The following ZFPM2 variants were observed in gnomAD, a reference collection of about 807,000 sequenced individuals.
ZFPM2 encodes zinc finger protein, FOG family member 2.
A neutral mutation model predicts 98.6 loss-of-function variants in ZFPM2; 20 were observed. That is an observed-to-expected ratio of 0.20 (90% CI 0.14 to 0.29). ZFPM2 has a LOEUF of 0.29. ZFPM2 is among the 10% of genes least tolerant of loss of function. The probability of loss-of-function intolerance (pLI) is 1.00; values close to 1 mark genes in which losing one functional copy is unlikely to be tolerated. For missense variants in ZFPM2, 1,310 were observed against 1,388.6 expected, an observed-to-expected ratio of 0.94 and a Z score of 0.90; for synonymous variants, 518 against 502.7, an observed-to-expected ratio of 1.03 and a Z score of -0.41.
intron 1 of ZFPM2, among the ~76,000 whole-genome samples, chr8:105,389,795 T>G (rs150241678): frequency 9.9e-5 from 15 of 152,256 alleles, no homozygotes; most frequent in African/African-American, 3.4e-4. Context: ...CTGAGAAGAA[T>G]AATCTAAAAG....
At chr8:105,426,711 G>T (rs1486318165) in intron 2 of ZFPM2, among the ~76,000 whole-genome samples, 1 of 152,070 alleles carries the variant, frequency 6.6e-6, no homozygotes, top group Non-Finnish European at 1.5e-5. Flanking sequence ...ACTTTGGGAG[G>T]CTGAGGCTAG....
At chr8:105,683,053 G>A (rs1045537720) in intron 5 of ZFPM2, among the ~76,000 whole-genome samples, 1 of 152,070 alleles carries the variant, frequency 6.6e-6, no homozygotes, top group African/African-American at 2.4e-5. Flanking sequence ...ATGGTGGAAA[G>A]GCAATTGAGT....
intron 5 of ZFPM2, among the ~76,000 whole-genome samples, chr8:105,698,717 TAGAC>T (rs1329201529): frequency 6.6e-6 from 1 of 152,174 alleles, no homozygotes; most frequent in Non-Finnish European, 1.5e-5. Flanking sequence ...AAATATACAT[TAGAC>T]AGTTCCCTGA....
chr8:105,640,159 TGAA>T (rs1194799263), intron 5 of ZFPM2, among the ~76,000 whole-genome samples: 1 of 152,060 alleles, frequency 6.6e-6, no homozygotes, highest in African/African-American at 2.4e-5. Context: ...TAAGTTAAAA[TGAA>T]GAAGTTGGGA....
chr8:105,664,484 G>A (rs1176446217), intron 5 of ZFPM2, among the ~76,000 whole-genome samples: 8 of 151,954 alleles, frequency 5.3e-5, no homozygotes, highest in East Asian at 1.9e-4. Context: ...ACAGGCATGC[G>A]CCACCATTCC....
intron 5 of ZFPM2, among the ~76,000 whole-genome samples, chr8:105,746,885 T>A (rs1273338738): frequency 6.6e-6 from 1 of 152,036 alleles, no homozygotes; most frequent in East Asian, 1.9e-4. Flanking sequence ...ATTCCTGGAA[T>A]AGAACCAAAA....
At chr8:105,744,903 A>G (rs1812307738) in intron 5 of ZFPM2, among the ~76,000 whole-genome samples, 1 of 152,144 alleles carries the variant, frequency 6.6e-6, no homozygotes, top group Non-Finnish European at 1.5e-5. Context: ...AACTTCATGT[A>G]GGAATTGTTT....
At chr8:105,478,527 T>A (rs549079473) in intron 3 of ZFPM2, among the ~76,000 whole-genome samples, 1 of 152,310 alleles carries the variant, frequency 6.6e-6, no homozygotes, top group East Asian at 1.9e-4. Context: ...TCCTGATTCC[T>A]TCTGGAAATT....
chr8:105,531,845 G>A (rs554041770), intron 3 of ZFPM2, among the ~76,000 whole-genome samples: 50 of 152,234 alleles, frequency 3.3e-4, no homozygotes, highest in South Asian at 1.0e-3. Context: ...GAACTTTTCT[G>A]CTACTGTAAT....
intron 4 of ZFPM2, among the ~76,000 whole-genome samples, chr8:105,574,188 C>T (rs1029478600): frequency 1.3e-5 from 2 of 152,180 alleles, no homozygotes; most frequent in Non-Finnish European, 2.9e-5. Flanking sequence ...TGTACTCACA[C>T]GTATCCATAC....
intron 5 of ZFPM2, among the ~76,000 whole-genome samples, chr8:105,637,872 G>A (rs1307207265): frequency 6.6e-6 from 1 of 152,052 alleles, no homozygotes; most frequent in South Asian, 2.1e-4. Context: ...TGGCATTTTC[G>A]TAATGCCTAT....
intron 5 of ZFPM2, among the ~76,000 whole-genome samples, chr8:105,746,583 C>T (rs1812350976): frequency 6.6e-6 from 1 of 150,928 alleles, no homozygotes; most frequent in East Asian, 1.9e-4. Flanking sequence ...ATTTTCTTAG[C>T]AGATATGTGC....
At chr8:105,562,559 C>T (rs1030415842) in intron 4 of ZFPM2, among the ~76,000 whole-genome samples, 16 of 152,034 alleles carry the variant, frequency 1.1e-4, no homozygotes, top group African/African-American at 2.9e-4. Flanking sequence ...AACTCCTTTT[C>T]GGATGCTTTA....
At chr8:105,498,989 G>T (rs1056773963) in intron 3 of ZFPM2, among the ~76,000 whole-genome samples, 2 of 152,142 alleles carry the variant, frequency 1.3e-5, no homozygotes, top group Non-Finnish European at 2.9e-5. Flanking sequence ...TGGAAGTGTG[G>T]AATATAAAGT....
At chr8:105,768,748 A>G (rs1454940001) in intron 5 of ZFPM2, among the ~76,000 whole-genome samples, 1 of 151,922 alleles carries the variant, frequency 6.6e-6, no homozygotes, top group Non-Finnish European at 1.5e-5. Context: ...TGTTTGGGAA[A>G]AAGTTAGATA....
At chr8:105,585,266 T>G (rs1815687500) in intron 4 of ZFPM2, among the ~76,000 whole-genome samples, 1 of 152,212 alleles carries the variant, frequency 6.6e-6, no homozygotes, top group Non-Finnish European at 1.5e-5. Flanking sequence ...CTGTGGTGAA[T>G]GTGAATAATA....
chr8:105,548,168 T>C (rs1814756914), intron 3 of ZFPM2, among the ~76,000 whole-genome samples: 1 of 152,048 alleles, frequency 6.6e-6, no homozygotes, highest in Non-Finnish European at 1.5e-5. Context: ...CTTTGATTGT[T>C]AGGAACTATA....
intron 3 of ZFPM2, among the ~76,000 whole-genome samples, chr8:105,445,107 T>G (rs1292571754): frequency 6.6e-6 from 1 of 152,218 alleles, no homozygotes; most frequent in African/African-American, 2.4e-5. Flanking sequence ...TAGCCGTAAT[T>G]TCCAAAGCAG....
chr8:105,369,472 C>G (rs1209825421), intron 1 of ZFPM2, among the ~76,000 whole-genome samples: 9 of 151,988 alleles, frequency 5.9e-5, no homozygotes. Flanking sequence ...ATAAATCCAT[C>G]TTCTTAATTA....
Sources: gnomAD v4.1 joint callset for allele counts (sites outside exome capture counted in the v4.1 genomes callset) on GRCh38, gnomAD v4.1.1 for gene constraint, MANE v1.5 for transcripts, NCBI Gene and HGNC (gene_info 2026-07-23, HGNC 2026-07-21) for gene names.